The following ROBO2 variants were observed in gnomAD, a reference collection of about 807,000 sequenced individuals.
ROBO2 encodes roundabout guidance receptor 2.
ROBO2 carries 53 observed loss-of-function variants against 160.8 expected under a neutral mutation model. That is an observed-to-expected ratio of 0.33 (90% CI 0.26 to 0.41). The LOEUF (loss-of-function observed/expected upper bound fraction) is 0.41, where lower values mean the gene tolerates loss of function less well. Among genes scored for constraint, ROBO2 ranks in the 10% least tolerant of loss-of-function variants. The pLI is 1.00. For missense variants in ROBO2, 1,577 were observed against 1,722.4 expected, an observed-to-expected ratio of 0.92 and a Z score of 1.49; for synonymous variants, 664 against 611.7, an observed-to-expected ratio of 1.09 and a Z score of -1.26.
chr3:76,058,927 G>T (rs910145050), intron 2 of ROBO2, among the ~76,000 whole-genome samples: 9 of 150,490 alleles, frequency 6.0e-5, no homozygotes, highest in African/African-American at 2.2e-4. Context: ...GCGATAGTTT[G>T]CTGAGAATGA....
chr3:76,092,599 G>A (rs897709467), intron 2 of ROBO2, among the ~76,000 whole-genome samples: 2 of 152,148 alleles, frequency 1.3e-5, no homozygotes, highest in African/African-American at 4.8e-5. Flanking sequence ...GGTACCCGCA[G>A]TTAACAGGTG....
At chr3:77,592,358 T>A (rs2094200720) in intron 17 of ROBO2, among the ~76,000 whole-genome samples, 1 of 152,112 alleles carries the variant, frequency 6.6e-6, no homozygotes, top group African/African-American at 2.4e-5. Context: ...AAAACATATT[T>A]TAATGATGAC....
intron 2 of ROBO2, among the ~76,000 whole-genome samples, chr3:76,455,652 T>C (rs1302021468): frequency 1.3e-5 from 2 of 152,156 alleles, no homozygotes; most frequent in Admixed American, 6.6e-5. Context: ...ACCGTAATCC[T>C]ATAAGGAGAT....
intron 2 of ROBO2, among the ~76,000 whole-genome samples, chr3:76,530,666 C>T (rs532343454): frequency 2.4e-4 from 37 of 152,294 alleles, no homozygotes; most frequent in Admixed American, 7.2e-4. Context: ...GTTAAGCTCA[C>T]TTTGACTTCT....
At chr3:75,918,519 C>G (rs560163613) in intron 1 of ROBO2, among the ~76,000 whole-genome samples, 1 of 152,246 alleles carries the variant, frequency 6.6e-6, no homozygotes, top group Non-Finnish European at 1.5e-5. Flanking sequence ...TCCACAGGCT[C>G]TTTTTTGCTT....
At chr3:77,256,502 G>A (rs2058424107) in intron 2 of ROBO2, among the ~76,000 whole-genome samples, 1 of 151,668 alleles carries the variant, frequency 6.6e-6, no homozygotes, top group Admixed American at 6.6e-5. Flanking sequence ...ATAACTGTGT[G>A]TGTGTATGTG....
intron 2 of ROBO2, among the ~76,000 whole-genome samples, chr3:76,911,764 C>G (rs1338183810): frequency 6.6e-6 from 1 of 151,822 alleles, no homozygotes; most frequent in African/African-American, 2.4e-5. Context: ...TCAAAAGGTT[C>G]TATAAGATTT....
intron 2 of ROBO2, among the ~76,000 whole-genome samples, chr3:75,996,008 G>A (rs2065717101): frequency 6.6e-6 from 1 of 152,102 alleles, no homozygotes; most frequent in South Asian, 2.1e-4. Flanking sequence ...AACTTGATTT[G>A]ATGTTACAAG....
rs569590154 is a variant in ROBO2 at position 76,885,828 on chromosome 3, C to T, written c.110-212186C>T. Among the ~76,000 whole-genome samples the T allele has an allele frequency of 2.0e-5, 3 of 152,230 alleles. No homozygotes were observed. The East Asian group carries it at 5.8e-4, about 29-fold the overall frequency. On this transcript the variant is annotated intron_variant, in intron 2 of 26. Transcript: ENST00000487694. ...CATCTTTCTTTATGCTCACATGGCA[C>T]ATTTTTCCTGCCTCCTTCATGTTTT...
At chr3:76,134,469 A>G (rs1317406807) in intron 2 of ROBO2, among the ~76,000 whole-genome samples, 1 of 152,138 alleles carries the variant, frequency 6.6e-6, no homozygotes, top group Non-Finnish European at 1.5e-5. Flanking sequence ...TTGCAGATGT[A>G]TTAAGGTTAC....
chr3:76,887,335 A>C (rs2073983666), intron 2 of ROBO2, among the ~76,000 whole-genome samples: 1 of 151,624 alleles, frequency 6.6e-6, no homozygotes, highest in Non-Finnish European at 1.5e-5. Context: ...TCAACTGTTA[A>C]GGTCATTAAA....
At chr3:76,277,317 A>G (rs1576228155) in intron 2 of ROBO2, among the ~76,000 whole-genome samples, 1 of 152,000 alleles carries the variant, frequency 6.6e-6, no homozygotes, top group Non-Finnish European at 1.5e-5. Context: ...ACAACAAACA[A>G]CAGGTTTTAG....
At chr3:76,185,980 C>A (rs1701744386) in intron 2 of ROBO2, among the ~76,000 whole-genome samples, 1 of 149,414 alleles carries the variant, frequency 6.7e-6, no homozygotes, top group South Asian at 2.1e-4. Context: ...GTTGCCCAGG[C>A]TGGAGTGCAG....
chr3:75,954,576 C>T (rs1453193230), intron 2 of ROBO2, among the ~76,000 whole-genome samples: 1 of 151,852 alleles, frequency 6.6e-6, no homozygotes, highest in Admixed American at 6.6e-5. Context: ...ACTCAAAACA[C>T]AGTCTTACAT....
At chr3:76,414,158 TC>T (rs1235697840) in intron 2 of ROBO2, among the ~76,000 whole-genome samples, 1 of 152,144 alleles carries the variant, frequency 6.6e-6, no homozygotes, top group Non-Finnish European at 1.5e-5. Context: ...CTCCCCCTGG[TC>T]CCTCTCACAA....
intron 2 of ROBO2, among the ~76,000 whole-genome samples, chr3:77,338,222 A>G (rs562457282): frequency 6.6e-6 from 1 of 152,274 alleles, no homozygotes; most frequent in Admixed American, 6.5e-5. Flanking sequence ...TGGAGATAGT[A>G]TTTTACTTCA....
At chr3:76,292,326 A>G (rs1327800391) in intron 2 of ROBO2, among the ~76,000 whole-genome samples, 1 of 152,188 alleles carries the variant, frequency 6.6e-6, no homozygotes, top group Non-Finnish European at 1.5e-5. Flanking sequence ...GCTACCTCCA[A>G]CCACCTACTC....
chr3:76,066,042 G>A (rs574735525), intron 2 of ROBO2, among the ~76,000 whole-genome samples: 1 of 151,312 alleles, frequency 6.6e-6, no homozygotes, highest in South Asian at 2.1e-4. Context: ...ATCCATCTAA[G>A]GTTACAACAG....
At chr3:76,681,167 A>G (rs1027400441) in intron 2 of ROBO2, among the ~76,000 whole-genome samples, 4 of 152,206 alleles carry the variant, frequency 2.6e-5, no homozygotes, top group Non-Finnish European at 4.4e-5. Flanking sequence ...TCTAAAATCA[A>G]ACTTTAATAA....
Sources: gnomAD v4.1 joint callset for allele counts (sites outside exome capture counted in the v4.1 genomes callset) on GRCh38, gnomAD v4.1.1 for gene constraint, MANE v1.5 for transcripts, NCBI Gene and HGNC (gene_info 2026-07-23, HGNC 2026-07-21) for gene names.